The following ARHGAP24 variants were observed in gnomAD, a reference collection of about 807,000 sequenced individuals.
ARHGAP24 encodes Rho GTPase activating protein 24, also known as rho GTPase-activating protein 24.
Under a neutral mutation model 76.4 loss-of-function variants are expected in ARHGAP24, and 50 were observed. The observed-to-expected ratio is 0.65, with a 90% CI of 0.52 to 0.83. The LOEUF (loss-of-function observed/expected upper bound fraction) is 0.83. Among genes scored for constraint, ARHGAP24 ranks in the 40% least tolerant of loss-of-function variants. ARHGAP24 has a pLI of 0.00. For synonymous variants in ARHGAP24, 345 were observed against 323.3 expected (o/e 1.07, Z -0.72); for missense variants, 930 against 914.2 (o/e 1.02, Z -0.22).
chr4:85,551,688 G>A (rs375330470), intron 1 of ARHGAP24, among the ~76,000 whole-genome samples: 20 of 152,010 alleles, frequency 1.3e-4, no homozygotes, highest in South Asian at 4.2e-4. Flanking sequence ...TTTTATTACC[G>A]ATTCAATTTT....
intron 3 of ARHGAP24, among the ~76,000 whole-genome samples, chr4:85,829,911 G>C (rs752674397): frequency 6.6e-6 from 1 of 152,166 alleles, no homozygotes; most frequent in Non-Finnish European, 1.5e-5. Context: ...AATAGTGTCT[G>C]TGTTTGTTCT....
At chr4:85,576,429 CAAA>C (rs397949039) in intron 2 of ARHGAP24, among the ~76,000 whole-genome samples, 1 of 124,412 alleles carries the variant, frequency 8.0e-6, no homozygotes. Flanking sequence ...GACTCCATCT[CAAA>C]AAAAAAAAAA....
At chr4:85,937,542 G>A (rs1736714818) in intron 4 of ARHGAP24, among the ~76,000 whole-genome samples, 1 of 152,108 alleles carries the variant, frequency 6.6e-6, no homozygotes, top group South Asian at 2.1e-4. Context: ...AACTGTATCA[G>A]GTAAAGTAAA....
intron 1 of ARHGAP24, among the ~76,000 whole-genome samples, chr4:85,487,937 G>C (rs1723197823): frequency 7.2e-6 from 1 of 139,828 alleles, no homozygotes; most frequent in Admixed American, 7.8e-5. Context: ...ACAGAATCTT[G>C]CTCTGTCGCC....
intron 3 of ARHGAP24, among the ~76,000 whole-genome samples, chr4:85,836,141 T>C (rs1423505209): frequency 1.3e-5 from 2 of 152,208 alleles, no homozygotes; most frequent in Non-Finnish European, 2.9e-5. Context: ...TTACCTTATC[T>C]GGGTATGGGA....
rs35138716 is a variant in ARHGAP24, at chr4:85,495,341, A to ATTT, written c.-21+19807_-21+19809dup. On this transcript the variant is annotated intron_variant, in intron 1 of 9. Coordinates refer to ENST00000395184, the MANE Select transcript of ARHGAP24 (RefSeq NM_001025616.3). ...AGTCAAGTAAGTACAGAAGTACAGAATTTTTTTTTTTTTTTTTTTTTTTTT... is the reference window on the plus strand; with the variant it reads ...AGTCAAGTAAGTACAGAAGTACAGAATTTTTTTTTTTTTTTTTTTTTTTTTTTT... 2.6e-4 allele frequency among the ~76,000 whole-genome samples: 14 copies of ATTT among 53,090 alleles called. 1 individual carries two copies. The highest frequency in any genetic ancestry group is 6.9e-4 in the African/African-American group (11 of 15,888). 34.8% of individuals were successfully genotyped at this position (53,090 alleles called of 152,430 possible). A position where few individuals can be genotyped will look rare whatever the true frequency, so the allele number is the denominator to read the frequency against.
In ARHGAP24 at chr4:85,972,394, G is replaced by T. The variant is rs753311968; in HGVS notation, c.732+226G>T. 7.2e-6 allele frequency: 4 copies of T among 558,528 alleles called. No homozygotes were observed. In the East Asian group the frequency reaches 1.3e-4, roughly 18 times the overall value. 34.6% of individuals were successfully genotyped at this position (558,528 alleles called of 1,614,324 possible). ...ATGGCTGAATAAATTAAATCAGCAC[G>T]ACTTGCCGCTTTCTTTCCCTAAATG... On this transcript the variant is annotated intron_variant, in intron 6 of 9. Transcript: ENST00000395184.
At chr4:85,513,364 A>AT (rs1309653172) in intron 1 of ARHGAP24, among the ~76,000 whole-genome samples, 2 of 152,180 alleles carry the variant, frequency 1.3e-5, no homozygotes, top group Non-Finnish European at 2.9e-5. Context: ...GTTTGTCCAC[A>AT]TGGGGATTCC....
chr4:85,525,005 G>A (rs1471842308), intron 1 of ARHGAP24, among the ~76,000 whole-genome samples: 2 of 152,130 alleles, frequency 1.3e-5, no homozygotes, highest in Non-Finnish European at 2.9e-5. Context: ...GTTCTTGTGA[G>A]ATGGCTTTAC....
intron 3 of ARHGAP24, among the ~76,000 whole-genome samples, chr4:85,781,112 A>C (rs141036260): frequency 1.3e-3 from 197 of 152,372 alleles, no homozygotes; most frequent in African/African-American, 4.5e-3. Context: ...GGTTTATTCA[A>C]TTCTTCTGTG....
intron 2 of ARHGAP24, among the ~76,000 whole-genome samples, chr4:85,584,143 G>A (rs1727741456): frequency 6.6e-6 from 1 of 151,748 alleles, no homozygotes; most frequent in South Asian, 2.1e-4. Context: ...ACATGCACAC[G>A]TATGTTTATT....
intron 3 of ARHGAP24, among the ~76,000 whole-genome samples, chr4:85,750,005 T>A (rs1403619176): frequency 6.6e-6 from 1 of 152,152 alleles, no homozygotes; most frequent in African/African-American, 2.4e-5. Flanking sequence ...CATCCATCCA[T>A]GACTGCATGC....
At chr4:85,935,219 T>TCATATATCAATGTTTTATGGAGCCTCTAC (rs1736563246) in intron 4 of ARHGAP24, among the ~76,000 whole-genome samples, 2 of 152,228 alleles carry the variant, frequency 1.3e-5, no homozygotes, top group Non-Finnish European at 2.9e-5. Flanking sequence ...GCTCATTAAT[T>TCATATATCAATGTTTTATGGAGCCTCTAC]CATATATCAA....
Position 85,696,494 on chromosome 4 carries a change from T to C in ARHGAP24, c.181-25391T>C, listed in dbSNP as rs144173617. On this transcript the variant is annotated intron_variant, in intron 2 of 9. Coordinates refer to ENST00000395184, the MANE Select transcript of ARHGAP24 (RefSeq NM_001025616.3). ...ATATACAATCCTATCTAGAATTCAA[T>C]AAGCAGAATGATTTACCTGAGTCAT... 5.4e-3 allele frequency among the ~76,000 whole-genome samples: 816 copies of C among 152,338 alleles called. 7 individuals are homozygous for C. The highest frequency in any genetic ancestry group is 0.019 in the African/African-American group (772 of 41,580).
At chr4:85,823,292 G>T (rs913529251) in intron 3 of ARHGAP24, among the ~76,000 whole-genome samples, 1 of 151,990 alleles carries the variant, frequency 6.6e-6, no homozygotes, top group Non-Finnish European at 1.5e-5. Context: ...GGATCATATT[G>T]TACCTACTAT....
chr4:85,784,216 C>A (rs1435957976), intron 3 of ARHGAP24, among the ~76,000 whole-genome samples: 1 of 152,006 alleles, frequency 6.6e-6, no homozygotes, highest in African/African-American at 2.4e-5. Flanking sequence ...TACCCTCATG[C>A]TCTTCTTGAA....
chr4:85,949,465 C>A (rs1737474334), intron 5 of ARHGAP24, among the ~76,000 whole-genome samples: 1 of 152,194 alleles, frequency 6.6e-6, no homozygotes, highest in South Asian at 2.1e-4. Context: ...TCCTAGAGAG[C>A]TTTACTGACA....
chr4:85,506,856 T>C (rs915017039), intron 1 of ARHGAP24, among the ~76,000 whole-genome samples: 27 of 151,454 alleles, frequency 1.8e-4, no homozygotes, highest in African/African-American at 6.6e-4. Context: ...AGACTGGAGC[T>C]GTTCCTATTC....
chr4:85,723,957 G>A (rs1198143282), intron 3 of ARHGAP24, among the ~76,000 whole-genome samples: 1 of 152,140 alleles, frequency 6.6e-6, no homozygotes, highest in Non-Finnish European at 1.5e-5. Flanking sequence ...CTTTATCTTT[G>A]CAAATGGGAA....
Sources: allele counts gnomAD v4.1 joint callset (sites outside exome capture counted in the v4.1 genomes callset), GRCh38; gene constraint gnomAD v4.1.1; transcripts MANE v1.5; gene names NCBI Gene and HGNC (gene_info 2026-07-23, HGNC 2026-07-21).